The following PER2 variants were observed in gnomAD, a reference collection of about 807,000 sequenced individuals.
PER2 encodes the protein period circadian regulator 2, also known as period circadian protein homolog 2.
Under a neutral mutation model 121.0 loss-of-function variants are expected in PER2, and 66 were observed. The ratio of observed to expected loss-of-function variants is 0.55; its 90% CI spans 0.45 to 0.67. The LOEUF (loss-of-function observed/expected upper bound fraction) is 0.67. PER2 is among the 30% of genes least tolerant of loss of function. The probability of loss-of-function intolerance (pLI) is 0.00; values close to 1 mark genes in which losing one functional copy is unlikely to be tolerated. For synonymous variants in PER2, 684 were observed against 659.9 expected (o/e 1.04, Z -0.56); for missense variants, 1,521 against 1,635.0 (o/e 0.93, Z 1.20).
chr2:238,274,968 C>G (rs1479447964), intron 4 of PER2, among the ~76,000 whole-genome samples: 1 of 152,156 alleles, frequency 6.6e-6, no homozygotes, highest in Admixed American at 6.5e-5. Context: ...GTGCTGATGA[C>G]CTGCTCACTG....
chr2:238,254,812 G>A (rs577292204), intron 18 of PER2: 1 of 152,318 alleles, frequency 6.6e-6, no homozygotes, highest in Admixed American at 6.5e-5. Context: ...TGAATCTGGG[G>A]AAGAAGGAGA....
intron 5 of PER2, 116 bp downstream of exon 5, chr2:238,272,954 T>A: frequency 1.1e-6 from 1 of 919,338 alleles, no homozygotes; most frequent in Non-Finnish European, 1.8e-6. Context: ...TAGGAACTTA[T>A]CTGCTGAAAC....
chr2:238,275,065 C>T (rs757177858), intron 4 of PER2, among the ~76,000 whole-genome samples: 6 of 152,190 alleles, frequency 3.9e-5, no homozygotes, highest in Non-Finnish European at 7.3e-5. Context: ...AAGAACTTTG[C>T]CCTAACTGTA....
chr2:238,258,492 C>A lies in PER2; in HGVS notation c.1775+5G>T. 6.2e-7 allele frequency: 1 copy of A among 1,614,182 alleles called. No individual in the cohort carries two copies. Among genetic ancestry groups the A allele is most frequent in the Middle Eastern group, 1.6e-4 (1 of 6,062 alleles). On this transcript the variant is annotated splice_donor_5th_base_variant and intron_variant, in intron 15 of 22. Transcript: ENST00000254657. ...GTGGAGACTCGGCTGGAAATGCCGG[C>A]ATACCTGATGACGCTGTCCAAGCAG...
chr2:238,283,539 C>G (rs574406546), intron 1 of PER2, among the ~76,000 whole-genome samples: 4 of 152,348 alleles, frequency 2.6e-5, no homozygotes, highest in African/African-American at 9.6e-5. Context: ...AAGCACCTGA[C>G]CTGTCTGAGG....
chr2:238,289,136 T>C (rs927433937), upstream of PER2: 2 of 152,072 alleles, frequency 1.3e-5, no homozygotes, highest in Non-Finnish European at 2.9e-5. Flanking sequence ...GGCGCGGGGC[T>C]CCTGCGCACC....
Position 238,277,006 on chromosome 2 carries a change from T to A in PER2, c.293+125A>T, listed in dbSNP as rs539723716. The stretch of plus-strand genomic sequence containing the variant: ...GAGTGAGGCTGGGTTCGTACCCACA[T>A]AGCCACACAGATGGGTTTTAGCACA... On this transcript the variant is annotated intron_variant, in intron 3 of 22. Coordinates refer to ENST00000254657, the MANE Select transcript of PER2 (RefSeq NM_022817.3). 9.9e-5 allele frequency: 79 copies of A among 795,652 alleles called. 1 individual carries two copies. Among genetic ancestry groups the A allele is most frequent in the Non-Finnish European group, 1.4e-4 (59 of 436,412 alleles). The allele number at this position is 795,652 out of a possible 1,614,324, so 49.3% of individuals were successfully genotyped here. A position where few individuals can be genotyped will look rare whatever the true frequency, so the allele number is the denominator to read the frequency against.
At chr2:238,272,992 G>T (rs2304675) in intron 5 of PER2, 78 bp downstream of exon 5, 11 of 1,387,200 alleles carry the variant, frequency 7.9e-6, no homozygotes, top group Non-Finnish European at 1.1e-5. Context: ...TACAGCCACC[G>T]GCCGCAGTGC....
upstream of PER2, among the ~76,000 whole-genome samples, chr2:238,292,705 C>T (rs915314816): frequency 2.1e-4 from 32 of 150,466 alleles, no homozygotes; most frequent in Non-Finnish European, 2.8e-4. Flanking sequence ...TATTCTAATT[C>T]GCTAAGATTT....
At position 238,272,137 on chromosome 2, in the gene PER2, C is replaced by T. The variant is rs185484374; in HGVS notation, c.571-624G>A. 3.0e-4 allele frequency among the ~76,000 whole-genome samples: 45 copies of T among 152,376 alleles called. 1 individual carries two copies. Among genetic ancestry groups the T allele is most frequent in the Admixed American group, 7.2e-4 (11 of 15,310 alleles). On this transcript the variant is annotated intron_variant, in intron 5 of 22. Transcript: ENST00000254657. The stretch of plus-strand genomic sequence containing the variant: ...ATGTTTCTTTCCTCTTTAACTCTTA[C>T]ACCTGTTACAGATACTGGGAGGTCC...
intron 8 of PER2, 111 bp from the exon 9 acceptor site, chr2:238,265,701 G>C: frequency 2.7e-6 from 2 of 735,396 alleles, no homozygotes. Context: ...AGCAGCTAAA[G>C]AAAAAAATTA....
In PER2 at chr2:238,256,889, ACTGCTCT is replaced by A. The variant is rs754336302; in HGVS notation, c.2065+26_2065+32del. 333 of 1,601,866 alleles carry A rather than the reference ACTGCTCT, an allele frequency of 2.1e-4. 1 individual carries two copies. Among genetic ancestry groups the A allele is most frequent in the Admixed American group, 5.1e-5 (3 of 58,466 alleles). On this transcript the variant is annotated intron_variant, in intron 17 of 22. Transcript: ENST00000254657. ...TCTTGTTTTCATGGTTAAAAATCAAACTGCTCTCTGATCCAAGAGCCCATAGTCATAC... is the reference window on the plus strand; with the variant it reads ...TCTTGTTTTCATGGTTAAAAATCAAACTGATCCAAGAGCCCATAGTCATAC...
chr2:238,266,199 G>T (rs78026206), intron 8 of PER2, among the ~76,000 whole-genome samples: 2 of 152,064 alleles, frequency 1.3e-5, no homozygotes, highest in Non-Finnish European at 2.9e-5. Context: ...CACTGCGCCC[G>T]GCCCCATCTT....
At position 238,277,901 on chromosome 2, in the gene PER2, A is replaced by T. The variant is rs1456131366; in HGVS notation, c.36T>A (p.Ser12Arg). ...NGYAEFPPSP[S>R]NPTKEPVEPQ... Reference sequence around the variant, plus strand: ...GCTCCACGGGCTCCTTGGTGGGGTTACTGGGGCTGGGCGGAAATTCCGCGT... The same window carrying T: ...GCTCCACGGGCTCCTTGGTGGGGTTTCTGGGGCTGGGCGGAAATTCCGCGT... The change falls in exon 2 of 23, where the codon AGT (serine) becomes AGA (arginine). Residue 12 changes from serine (S) to arginine (R), a missense_variant. Coordinates refer to ENST00000254657, the MANE Select transcript of PER2 (RefSeq NM_022817.3). 6.2e-7 allele frequency: 1 copy of T among 1,613,994 alleles called. No individual in the cohort carries two copies. The highest frequency in any genetic ancestry group is 8.5e-7 in the Non-Finnish European group (1 of 1,180,018).
In PER2 at chr2:238,268,864, T is replaced by G; in HGVS notation, c.824+59A>C. ...CGCCCCCCAGCCTCAAGCGGAGCAG[T>G]GCTGGGGTGAAATGTTTATACGGTT... On this transcript the variant is annotated intron_variant, in intron 7 of 22. Coordinates refer to ENST00000254657, the MANE Select transcript of PER2 (RefSeq NM_022817.3). This position sits in a 1 kb window ranked among gnomAD's most constrained non-coding sequence, Gnocchi z 4.0. 1 of 1,260,010 alleles carries G rather than the reference T, an allele frequency of 7.9e-7. No individual in the cohort carries two copies. The highest frequency in any genetic ancestry group is 1.2e-6 in the Non-Finnish European group (1 of 856,686). 78.1% of individuals were successfully genotyped at this position (1,260,010 alleles called of 1,614,324 possible). A position where few individuals can be genotyped will look rare whatever the true frequency, so the allele number is the denominator to read the frequency against.
At chr2:238,278,034 T>C (rs2106325559) in intron 1 of PER2, 79 bp from the exon 2 acceptor site, 3 of 1,467,308 alleles carry the variant, frequency 2.0e-6, no homozygotes, top group East Asian at 2.4e-5. Flanking sequence ...AGAGCACCCA[T>C]TTGACTCTTT....
In PER2 at chr2:238,271,472, G is replaced by C; in HGVS notation, c.612C>G (p.Ile204Met). 1 of 1,614,020 alleles carries C rather than the reference G, an allele frequency of 6.2e-7. No homozygotes were observed. The change falls in exon 6 of 23, where the codon ATC (isoleucine) becomes ATG (methionine). Residue 204 changes from isoleucine (I) to methionine (M), a missense_variant. By Grantham distance (10) the Ile-to-Met change is conservative. Coordinates refer to ENST00000254657, the MANE Select transcript of PER2 (RefSeq NM_022817.3). ...ATGCAACCTGGTCAGAGATGTACAG[G>C]ATCTTCCCAGACACCAGGGACACGG... ...AVAVSLVSGK[I>M]LYISDQVASI...
upstream of PER2, chr2:238,289,972 T>C (rs983476569): frequency 3.3e-5 from 5 of 152,402 alleles, no homozygotes; most frequent in South Asian, 6.2e-4. Flanking sequence ...AAGGCGAGAC[T>C]GTCCAAGAAG....
intron 4 of PER2, among the ~76,000 whole-genome samples, chr2:238,274,812 C>T (rs987772531): frequency 3.3e-5 from 5 of 152,122 alleles, no homozygotes; most frequent in African/African-American, 1.2e-4. Flanking sequence ...CTGTATCAAC[C>T]CTCACAAAAT....
Sources: allele counts gnomAD v4.1 joint callset (sites outside exome capture counted in the v4.1 genomes callset), GRCh38; gene constraint gnomAD v4.1.1; non-coding constraint Gnocchi (gnomAD v3.1); transcripts MANE v1.5; gene names NCBI Gene and HGNC (gene_info 2026-07-23, HGNC 2026-07-21).